Variants in ALOX5AP observed in about 807,000 individuals in gnomAD.
ALOX5AP encodes the protein arachidonate 5-lipoxygenase-activating protein.
A neutral mutation model predicts 18.5 loss-of-function variants in ALOX5AP; 9 were observed. The observed-to-expected ratio is 0.49, with a 90% CI of 0.29 to 0.85. ALOX5AP has a LOEUF of 0.85. Ranked by LOEUF, ALOX5AP falls within the 40% of genes least tolerant of loss-of-function variation. The pLI is 0.08. For synonymous variants in ALOX5AP, 81 were observed against 78.6 expected, an observed-to-expected ratio of 1.03 and a Z score of -0.16; for missense variants, 172 against 202.5, an observed-to-expected ratio of 0.85 and a Z score of 0.91.
At chr13:30,749,662 T>C (rs1951836387) in intron 2 of ALOX5AP, among the ~76,000 whole-genome samples, 1 of 152,220 alleles carries the variant, frequency 6.6e-6, no homozygotes, top group African/African-American at 2.4e-5. Flanking sequence ...ACCGTGTCCA[T>C]TAGATCAGTG....
intron 4 of ALOX5AP, among the ~76,000 whole-genome samples, chr13:30,762,504 G>A (rs572418536): frequency 4.5e-4 from 68 of 151,744 alleles, no homozygotes; most frequent in Non-Finnish European, 7.9e-4. Context: ...CAGGAGAATC[G>A]CTTGAACCCG....
chr13:30,740,460 C>T (rs1951754082), intron 1 of ALOX5AP, among the ~76,000 whole-genome samples: 1 of 152,220 alleles, frequency 6.6e-6, no homozygotes, highest in Admixed American at 6.5e-5. Flanking sequence ...ATCTCTCTAT[C>T]TGTGTCTTTG....
intron 1 of ALOX5AP, among the ~76,000 whole-genome samples, chr13:30,714,340 G>T (rs1413333434): frequency 2.0e-5 from 3 of 152,004 alleles, no homozygotes; most frequent in African/African-American, 7.3e-5. Flanking sequence ...GCAGGAAAAA[G>T]CTGTATCTCT....
intron 4 of ALOX5AP, 68 bp from the exon 5 acceptor site, chr13:30,763,876 A>G: frequency 6.8e-7 from 1 of 1,474,896 alleles, no homozygotes; most frequent in Non-Finnish European, 9.3e-7. Context: ...AAGGGGTAAC[A>G]TTTTTGTGTG....
chr13:30,718,071 T>C (rs35328462), intron 1 of ALOX5AP, among the ~76,000 whole-genome samples: 28,451 of 151,734 alleles, frequency 0.19, 4,076 homozygotes, highest in African/African-American at 0.39. Flanking sequence ...GCGATTCTCC[T>C]GCCTCAGCCT....
At chr13:30,718,781 A>G (rs1419430318) in intron 1 of ALOX5AP, among the ~76,000 whole-genome samples, 3 of 152,106 alleles carry the variant, frequency 2.0e-5, no homozygotes, top group Non-Finnish European at 4.4e-5. Flanking sequence ...CCTCCTGTAA[A>G]ACCTTGACCT....
chr13:30,716,681 G>C (rs914580143), intron 1 of ALOX5AP, among the ~76,000 whole-genome samples: 17 of 152,260 alleles, frequency 1.1e-4, no homozygotes, highest in African/African-American at 4.1e-4. Flanking sequence ...AAGTGGGAGG[G>C]GACACAGTCC....
intron 2 of ALOX5AP, among the ~76,000 whole-genome samples, chr13:30,749,297 G>C (rs928576440): frequency 3.4e-4 from 52 of 152,078 alleles, no homozygotes; most frequent in African/African-American, 1.2e-3. Context: ...AGACAAAATC[G>C]CTACTTAAAA....
chr13:30,735,763 G>A, intron 1 of ALOX5AP, 88 bp downstream of exon 1: 1 of 1,465,148 alleles, frequency 6.8e-7, no homozygotes, highest in South Asian at 1.2e-5. Flanking sequence ...AATTGTGTCT[G>A]TGTGTGCGCA....
intron 2 of ALOX5AP, among the ~76,000 whole-genome samples, chr13:30,750,453 T>G (rs1374344976): frequency 1.3e-5 from 2 of 152,196 alleles, no homozygotes; most frequent in Non-Finnish European, 2.9e-5. Context: ...ACTGCAGACT[T>G]CTCAGGAGGA....
At chr13:30,752,208 T>A in intron 3 of ALOX5AP, 86 bp downstream of exon 3, 1 of 1,414,456 alleles carries the variant, frequency 7.1e-7, no homozygotes, top group Non-Finnish European at 9.9e-7. Flanking sequence ...TTGAAAGGAC[T>A]TTGCCTGACC....
At position 30,720,139 on chromosome 13, in the gene ALOX5AP, C is replaced by T. The variant is rs984306005; in HGVS notation, c.116+6298C>T. 4.6e-5 allele frequency among the ~76,000 whole-genome samples: 7 copies of T among 152,202 alleles called. 1 individual carries two copies. The South Asian group carries it at 6.2e-4, about 13-fold the overall frequency. On this transcript the variant is annotated intron_variant, in intron 1 of 5. Transcript: ENST00000617770. The stretch of plus-strand genomic sequence containing the variant: ...CCTCCCAAAGTGCTGGGATTACAGG[C>T]GTGAGCCACCGCGCCCGGCCTCTAG...
chr13:30,738,008 A>G (rs1234319742), intron 1 of ALOX5AP, among the ~76,000 whole-genome samples: 1 of 152,218 alleles, frequency 6.6e-6, no homozygotes, highest in Non-Finnish European at 1.5e-5. Context: ...GTTCAAAAAA[A>G]TATGCAAAAA....
intron 1 of ALOX5AP, among the ~76,000 whole-genome samples, chr13:30,721,472 T>A (rs1253081850): frequency 6.6e-6 from 1 of 152,188 alleles, no homozygotes; most frequent in Non-Finnish European, 1.5e-5. Flanking sequence ...TCCTCTTCCT[T>A]ACCCCCAACC....
At chr13:30,735,769 G>C in intron 1 of ALOX5AP, 94 bp downstream of exon 1, 2 of 1,389,152 alleles carry the variant, frequency 1.4e-6, no homozygotes, top group Non-Finnish European at 2.0e-6. Flanking sequence ...GTCTGTGTGT[G>C]CGCATGCACA....
At chr13:30,746,883 G>A (rs1488137247) in intron 2 of ALOX5AP, among the ~76,000 whole-genome samples, 1 of 152,298 alleles carries the variant, frequency 6.6e-6, no homozygotes, top group Non-Finnish European at 1.5e-5. Context: ...TAAATGTTTA[G>A]GGACCATGGC....
At chr13:30,716,868 C>T (rs1323890852) in intron 1 of ALOX5AP, among the ~76,000 whole-genome samples, 1 of 152,236 alleles carries the variant, frequency 6.6e-6, no homozygotes, top group Non-Finnish European at 1.5e-5. Flanking sequence ...GGAAGAAGCA[C>T]ACAGCACAGA....
upstream of ALOX5AP, among the ~76,000 whole-genome samples, chr13:30,731,882 G>A (rs916637547): frequency 3.9e-5 from 6 of 152,354 alleles, no homozygotes; most frequent in Middle Eastern, 3.4e-3. Context: ...GCGGGAATCC[G>A]GGCAGGCAGG....
chr13:30,762,437 A>T (rs541884332), intron 4 of ALOX5AP, among the ~76,000 whole-genome samples: 1 of 152,154 alleles, frequency 6.6e-6, no homozygotes, highest in Non-Finnish European at 1.5e-5. Flanking sequence ...AAAAATACAA[A>T]AATTAGCCAG....
Sources: allele counts gnomAD v4.1 joint callset (sites outside exome capture counted in the v4.1 genomes callset), GRCh38; gene constraint gnomAD v4.1.1; transcripts MANE v1.5; gene names NCBI Gene and HGNC (gene_info 2026-07-23, HGNC 2026-07-21).